Variants in GBP3 observed in about 807,000 individuals in gnomAD.
The protein encoded by GBP3 is guanylate-binding protein 3.
In GBP3, 55 loss-of-function variants were observed where a neutral mutation model predicts 62.4. The ratio of observed to expected loss-of-function variants is 0.88; its 90% CI spans 0.71 to 1.10. The LOEUF (loss-of-function observed/expected upper bound fraction) is 1.10. GBP3 is among the 50% of genes least tolerant of loss of function. GBP3 has a pLI of 0.00. For synonymous variants in GBP3, 208 were observed against 259.2 expected, an observed-to-expected ratio of 0.80 and a Z score of 1.90; for missense variants, 605 against 690.6, an observed-to-expected ratio of 0.88 and a Z score of 1.39.
intron 2 of GBP3, among the ~76,000 whole-genome samples, chr1:89,019,494 G>A (rs1679068002): frequency 6.6e-6 from 1 of 152,138 alleles, no homozygotes; most frequent in South Asian, 2.1e-4. Context: ...CTCCATGTTG[G>A]TCAGGCTAGT....
intron 10 of GBP3, 96 bp from the exon 11 acceptor site, chr1:89,007,948 G>T: frequency 1.1e-5 from 13 of 1,135,356 alleles, no homozygotes; most frequent in South Asian, 3.7e-5. Flanking sequence ...TTAGTACTTA[G>T]TTTTTTTCTT....
chr1:89,016,751 A>G (rs1570902709), intron 2 of GBP3, among the ~76,000 whole-genome samples: 1 of 152,018 alleles, frequency 6.6e-6, no homozygotes, highest in Admixed American at 6.6e-5. Context: ...ATTTTTGTAT[A>G]TTTTGTAGAG....
Position 89,013,270 on chromosome 1 carries a change from C to T in GBP3, c.783G>A (p.Val261=), listed in dbSNP as rs2101142061. ...AGGAACAGAAGTCTGCTACTTGTTG[C>T]ACAAATTCAGGGTCCAGCTCTTCAT... ...LQDEELDPEF[V]QQVADFCSYI... Residue 261 remains valine, a synonymous_variant, in exon 6 of 11, where the codon GTG becomes GTA. Transcript: ENST00000370481. 1 of 1,614,182 alleles carries T rather than the reference C, an allele frequency of 6.2e-7. No individual in the cohort carries two copies. The highest frequency in any genetic ancestry group is 1.3e-5 in the African/African-American group (1 of 75,046).
chr1:89,020,194 T>A, intron 2 of GBP3: 1 of 422,506 alleles, frequency 2.4e-6, no homozygotes, highest in Non-Finnish European at 4.7e-6. Context: ...AGCTGAGATC[T>A]TGCCACTGTA....
At chr1:89,009,363 A>G (rs928829820) in intron 9 of GBP3, 29 bp downstream of exon 9, 4 of 1,605,328 alleles carry the variant, frequency 2.5e-6, no homozygotes, top group Non-Finnish European at 3.4e-6. Flanking sequence ...AAGCTTTAGG[A>G]TAATCTGATC....
rs759355515 is a variant in GBP3 at position 89,011,761 on chromosome 1, G to A, written c.1135C>T (p.Gln379Ter). 6.8e-7 allele frequency: 1 copy of A among 1,462,070 alleles called. No homozygotes were observed. The highest frequency in any genetic ancestry group is 9.5e-7 in the Non-Finnish European group (1 of 1,055,126). The allele number at this position is 1,462,070 out of a possible 1,614,324, so 90.6% of individuals were successfully genotyped here. A position where few individuals can be genotyped will look rare whatever the true frequency, so the allele number is the denominator to read the frequency against. The change falls in exon 7 of 11, where the codon CAA becomes TAA. Residue 379 changes from glutamine (Q) to a stop codon, truncating the protein, a stop_gained. Transcript: ENST00000370481. LOFTEE classifies it high-confidence loss of function. ...NSFKDVDHLF[Q>*]KKLAAQLDKK... is the part of the protein sequence containing the mutation. ...AGAAAAATTACCGCTAATTTCTTTT[G>A]AAACAGATGGTCCACATCCTTGAAA...
chr1:89,011,105 G>T lies in GBP3; in HGVS notation c.1161C>A (p.Asp387Glu), dbSNP rs576261942. 262 of 1,461,800 alleles carry T rather than the reference G, an allele frequency of 1.8e-4. 58 individuals are homozygous for T. Among genetic ancestry groups the T allele is most frequent in the Admixed American group, 6.4e-4 (36 of 55,970 alleles). The allele number at this position is 1,461,800 out of a possible 1,614,324, so 90.6% of individuals were successfully genotyped here. The change falls in exon 8 of 11, where the codon GAC becomes GAA. Residue 387 changes from aspartate to glutamate, a missense_variant. Physicochemically the swap from Asp to Glu is conservative, Grantham distance 45. Coordinates refer to ENST00000370481, the MANE Select transcript of GBP3 (RefSeq NM_018284.3). ...GTTTACAAAAGTCATCCCGCTTTTT[G>T]TCTAGCTGGGCCTTTAATGTAAAAA... ...LFQKKLAAQL[D>E]KKRDDFCKQN...
chr1:89,019,380 C>T (rs758855052), intron 2 of GBP3, among the ~76,000 whole-genome samples: 7 of 152,234 alleles, frequency 4.6e-5, no homozygotes, highest in Non-Finnish European at 1.0e-4. Context: ...CCTCTGTTTC[C>T]CAGATTCAAG....
At chr1:89,014,679 G>A (rs377090391) in intron 3 of GBP3, 23 bp from the exon 4 acceptor site, 2 of 1,613,794 alleles carry the variant, frequency 1.2e-6, no homozygotes, top group South Asian at 1.1e-5. Flanking sequence ...ACACACTGGA[G>A]TCAGGAGCAA....
chr1:89,014,374 C>A, intron 4 of GBP3, 95 bp from the exon 5 acceptor site: 1 of 1,600,020 alleles, frequency 6.2e-7, no homozygotes, highest in Non-Finnish European at 8.5e-7. Context: ...TCCTTTGATC[C>A]TAACCTAAGT....
Position 89,006,997 on chromosome 1 carries a change from CATGTT to C in GBP3, c.*722_*726del, listed in dbSNP as rs1678250393. 1.3e-5 allele frequency: 2 copies of C among 152,196 alleles called. No homozygotes were observed. Among genetic ancestry groups the C allele is most frequent in the East Asian group, 3.8e-4 (2 of 5,208 alleles). The allele number at this position is 152,196 out of a possible 1,614,324, so 9.4% of individuals were successfully genotyped here. ...TATCTTCAGTTAAAGTGCATCATTGCATGTTATACATTACTAAAATTACACAGTGC... is the reference window on the plus strand; with the variant it reads ...TATCTTCAGTTAAAGTGCATCATTGCATACATTACTAAAATTACACAGTGC... On this transcript the variant is annotated 3_prime_UTR_variant, in exon 11 of 11. Coordinates refer to ENST00000370481, the MANE Select transcript of GBP3 (RefSeq NM_018284.3).
intron 6 of GBP3, among the ~76,000 whole-genome samples, chr1:89,012,322 A>G (rs1056527491): frequency 1.4e-5 from 2 of 139,204 alleles, no homozygotes; most frequent in Non-Finnish European, 3.3e-5. Context: ...TTCAACCCCA[A>G]GCACCATCAG....
rs140601989 is a variant in GBP3 at position 89,009,040 on chromosome 1, A to G, written c.1566T>C (p.Tyr522=). Residue 522 remains tyrosine, a synonymous_variant, in exon 10 of 11, where the codon TAT becomes TAC. Transcript: ENST00000370481. ...CAGTCAATTGTTTCACATGTTCTTG[A>G]TAACTCTTCTCTTTCTCTTCCATCA... is the stretch of plus-strand genomic sequence containing the variant. The part of the protein sequence containing the change: ...QQMMEEKEKS[Y]QEHVKQLTEK... 1.2e-6 allele frequency: 2 copies of G among 1,614,174 alleles called. No individual in the cohort carries two copies. Among genetic ancestry groups the G allele is most frequent in the Non-Finnish European group, 1.7e-6 (2 of 1,180,010 alleles).
In GBP3 at chr1:89,013,180, C is replaced by T; in HGVS notation, c.868+5G>A. On this transcript the variant is annotated splice_donor_5th_base_variant and intron_variant, in intron 6 of 10. Coordinates refer to ENST00000370481, the MANE Select transcript of GBP3 (RefSeq NM_018284.3). ...ATGAGTGGAAGTACTACGAAGGGGA[C>T]TTACGAGGCCCATTGACCTTGATGC... is the stretch of plus-strand genomic sequence containing the variant. 1 of 1,612,382 alleles carries T rather than the reference C, an allele frequency of 6.2e-7. No homozygotes were observed.
intron 2 of GBP3, among the ~76,000 whole-genome samples, chr1:89,019,608 A>G (rs1048070482): frequency 6.6e-5 from 10 of 152,372 alleles, no homozygotes; most frequent in Middle Eastern, 3.4e-3. Context: ...GACACATGCT[A>G]CCACACTGAA....
intron 1 of GBP3, among the ~76,000 whole-genome samples, chr1:89,021,544 A>ACACACACCCCCCC (rs761151308): frequency 5.7e-5 from 8 of 140,940 alleles, no homozygotes; most frequent in East Asian, 4.3e-4. Context: ...ACACACACAC[A>ACACACACCCCCCC]CCCCAAAAAA....
At chr1:89,009,769 G>T (rs112258501) in intron 8 of GBP3, among the ~76,000 whole-genome samples, 284 of 152,262 alleles carry the variant, frequency 1.9e-3, no homozygotes, top group Non-Finnish European at 3.4e-3. Context: ...TGATGCTGTG[G>T]TTCCATATGG....
chr1:89,013,455 C>T (rs752257792), intron 5 of GBP3, 28 bp from the exon 6 acceptor site: 4 of 1,591,260 alleles, frequency 2.5e-6, no homozygotes, highest in Non-Finnish European at 3.4e-6. Flanking sequence ...AGAAATTTGC[C>T]TAATATAAGT....
At chr1:89,018,675 A>G (rs944833085) in intron 2 of GBP3, among the ~76,000 whole-genome samples, 3 of 152,220 alleles carry the variant, frequency 2.0e-5, no homozygotes, top group Non-Finnish European at 2.9e-5. Flanking sequence ...ACTTCTGCAT[A>G]CAGATGTTAT....
Sources: allele counts gnomAD v4.1 joint callset (sites outside exome capture counted in the v4.1 genomes callset), GRCh38; gene constraint gnomAD v4.1.1; transcripts MANE v1.5; gene names NCBI Gene and HGNC (gene_info 2026-07-23, HGNC 2026-07-21).